XKR4: variants seen among roughly 807,000 people sequenced by gnomAD.
The protein encoded by XKR4 is XK-related protein 4.
XKR4 carries 12 observed loss-of-function variants against 53.9 expected under a neutral mutation model. That is an observed-to-expected ratio of 0.22 (90% CI 0.14 to 0.36). The LOEUF is 0.36. XKR4 is among the 10% of genes least tolerant of loss of function. XKR4 has a pLI of 1.00. For synonymous variants in XKR4, 354 were observed against 362.4 expected (o/e 0.98, Z 0.26); for missense variants, 799 against 859.5 (o/e 0.93, Z 0.88).
chr8:55,107,850 A>G (rs1250934465), intron 1 of XKR4, among the ~76,000 whole-genome samples: 2 of 152,208 alleles, frequency 1.3e-5, no homozygotes, highest in Admixed American at 6.5e-5. Flanking sequence ...TTTTCTGCAT[A>G]TATGTGTTTC....
chr8:55,472,390 T>C (rs967272127), intron 2 of XKR4, among the ~76,000 whole-genome samples: 5 of 152,164 alleles, frequency 3.3e-5, no homozygotes, highest in African/African-American at 1.2e-4. Context: ...CAGATAGATG[T>C]GAATATGTTC....
chr8:55,268,741 C>T (rs1307970093), intron 1 of XKR4, among the ~76,000 whole-genome samples: 3 of 152,110 alleles, frequency 2.0e-5, no homozygotes, highest in African/African-American at 7.2e-5. Context: ...ACTTAATCCC[C>T]GCAAGATCCC....
At position 55,102,901 on chromosome 8, in the gene XKR4, T is replaced by C. The variant is rs1162524658; in HGVS notation, c.413T>C (p.Leu138Pro). Residue 138 changes from leucine (L) to proline (P), a missense_variant, in exon 1 of 3, where the codon CTG (leucine) becomes CCG (proline). By Grantham distance (98) the Leu-to-Pro change is moderately conservative. Coordinates refer to ENST00000327381, the MANE Select transcript of XKR4 (RefSeq NM_052898.2). This position sits in a 1 kb window ranked among gnomAD's most constrained non-coding sequence, Gnocchi z 5.1. ...GTCTGGCTCGCCGTGGACTACTACCTGCGCGGCCAGCGCTGGTGGTTCGGG... is the reference window on the plus strand; with the variant it reads ...GTCTGGCTCGCCGTGGACTACTACCCGCGCGGCCAGCGCTGGTGGTTCGGG... ...TDVWLAVDYYLRGQRWWFGLT... is the reference protein window; with the variant it reads ...TDVWLAVDYYPRGQRWWFGLT... The C allele has an allele frequency of 6.2e-7, 1 of 1,612,158 alleles. No homozygotes were observed. Among genetic ancestry groups the C allele is most frequent in the South Asian group, 1.1e-5 (1 of 91,076 alleles).
At chr8:55,126,622 C>T (rs889858683) in intron 1 of XKR4, among the ~76,000 whole-genome samples, 5 of 152,108 alleles carry the variant, frequency 3.3e-5, no homozygotes, top group African/African-American at 1.2e-4. Flanking sequence ...GAAATAAGCC[C>T]ATCACAACCC....
intron 1 of XKR4, among the ~76,000 whole-genome samples, chr8:55,231,782 C>T (rs935269157): frequency 6.6e-6 from 1 of 152,172 alleles, no homozygotes; most frequent in South Asian, 2.1e-4. Flanking sequence ...CTAGAGTGGG[C>T]AATCCCTCCT....
At chr8:55,372,525 A>C (rs1412192331) in intron 2 of XKR4, among the ~76,000 whole-genome samples, 1 of 151,796 alleles carries the variant, frequency 6.6e-6, no homozygotes, top group Non-Finnish European at 1.5e-5. Flanking sequence ...AAAGTGTTTT[A>C]CTATGGTACT....
At chr8:55,454,440 A>G (rs2129396886) in intron 2 of XKR4, 2 of 1,200,400 alleles carry the variant, frequency 1.7e-6, no homozygotes, top group Middle Eastern at 2.0e-4. Context: ...AGCTGCTGGT[A>G]GCTCCGGGAC....
At chr8:55,475,986 T>C (rs28435593) in intron 2 of XKR4, among the ~76,000 whole-genome samples, 49,937 of 151,774 alleles carry the variant, frequency 0.33, 9,705 homozygotes, top group African/African-American at 0.55. Flanking sequence ...GCTCAAGTGA[T>C]CCATTCACTT....
At chr8:55,374,371 G>A (rs1251935557) in intron 2 of XKR4, among the ~76,000 whole-genome samples, 1 of 152,198 alleles carries the variant, frequency 6.6e-6, no homozygotes, top group Non-Finnish European at 1.5e-5. Context: ...AGGCCCAGAG[G>A]TCAGTGGACA....
intron 2 of XKR4, among the ~76,000 whole-genome samples, chr8:55,365,926 GCAGCTGTGGGGA>G (rs1803976845): frequency 1.3e-5 from 2 of 152,182 alleles, no homozygotes; most frequent in Admixed American, 6.5e-5. Flanking sequence ...GTGCAACCTC[GCAGCTGTGGGGA>G]CAGCCATGGA....
At chr8:55,132,878 C>G (rs1249240646) in intron 1 of XKR4, among the ~76,000 whole-genome samples, 1 of 151,990 alleles carries the variant, frequency 6.6e-6, no homozygotes, top group Non-Finnish European at 1.5e-5. Context: ...CATCTGTGCT[C>G]AGCTCCCTGT....
chr8:55,144,934 C>T (rs575104473), intron 1 of XKR4, among the ~76,000 whole-genome samples: 2 of 151,978 alleles, frequency 1.3e-5, no homozygotes, highest in Admixed American at 6.6e-5. Flanking sequence ...AGGGTTCAAG[C>T]GATTCTCCTG....
chr8:55,288,050 G>A (rs1357043540), intron 1 of XKR4, among the ~76,000 whole-genome samples: 1 of 151,920 alleles, frequency 6.6e-6, no homozygotes, highest in Non-Finnish European at 1.5e-5. Flanking sequence ...TGATTTTTTT[G>A]TTTTTGTTAG....
At chr8:55,254,959 C>T (rs928875516) in intron 1 of XKR4, among the ~76,000 whole-genome samples, 2 of 152,192 alleles carry the variant, frequency 1.3e-5, no homozygotes, top group Non-Finnish European at 2.9e-5. Context: ...TCATGCACGA[C>T]AACCAAGCTG....
chr8:55,358,018 T>G (rs1179107630), intron 2 of XKR4, 141 bp downstream of exon 2: 1 of 839,648 alleles, frequency 1.2e-6, no homozygotes, highest in Non-Finnish European at 1.8e-6. Context: ...TCGTGAATGA[T>G]GCATGATGTT....
At chr8:55,291,836 T>G (rs896979056) in intron 1 of XKR4, among the ~76,000 whole-genome samples, 1 of 152,178 alleles carries the variant, frequency 6.6e-6, no homozygotes, top group Non-Finnish European at 1.5e-5. Context: ...ATACTCCTTA[T>G]CAAGCTGAGG....
At chr8:55,320,754 T>C (rs964786727) in intron 1 of XKR4, among the ~76,000 whole-genome samples, 2 of 152,122 alleles carry the variant, frequency 1.3e-5, no homozygotes, top group Admixed American at 6.5e-5. Context: ...AACTCAGTAG[T>C]AACCCTTTCT....
chr8:55,437,831 G>C (rs892309032), intron 2 of XKR4, among the ~76,000 whole-genome samples: 2 of 152,160 alleles, frequency 1.3e-5, no homozygotes, highest in South Asian at 4.2e-4. Flanking sequence ...GCTGCAAAAA[G>C]CAGAAAAAGC....
chr8:55,377,163 A>G (rs1280992163), intron 2 of XKR4, among the ~76,000 whole-genome samples: 3 of 152,184 alleles, frequency 2.0e-5, no homozygotes, highest in African/African-American at 7.2e-5. Context: ...GAGGCTCTCA[A>G]TGGAAACTTG....
Sources: gnomAD v4.1 joint callset for allele counts (sites outside exome capture counted in the v4.1 genomes callset) on GRCh38, gnomAD v4.1.1 for gene constraint, Gnocchi (gnomAD v3.1) non-coding constraint, MANE v1.5 for transcripts, NCBI Gene and HGNC (gene_info 2026-07-23, HGNC 2026-07-21) for gene names.